The following KCNQ5 variants were observed in gnomAD, a reference collection of about 807,000 sequenced individuals.
The protein encoded by KCNQ5 is potassium voltage-gated channel subfamily Q member 5.
A neutral mutation model predicts 98.2 loss-of-function variants in KCNQ5; 30 were observed. That is an observed-to-expected ratio of 0.31 (90% CI 0.23 to 0.41). The LOEUF is 0.41. KCNQ5 is among the 10% of genes least tolerant of loss of function. KCNQ5 has a pLI of 1.00. For synonymous variants in KCNQ5, 458 were observed against 449.4 expected (o/e 1.02, Z -0.24); for missense variants, 835 against 1,182.5 (o/e 0.71, Z 4.31).
chr6:73,021,114 A>G (rs1770586783), intron 2 of KCNQ5, among the ~76,000 whole-genome samples: 1 of 152,034 alleles, frequency 6.6e-6, no homozygotes, highest in South Asian at 2.1e-4. Flanking sequence ...TTGAAAGTTT[A>G]CCCTGACTCT....
intron 1 of KCNQ5, among the ~76,000 whole-genome samples, chr6:72,883,690 G>T (rs1237394473): frequency 6.6e-6 from 1 of 152,116 alleles, no homozygotes; most frequent in Non-Finnish European, 1.5e-5. Flanking sequence ...GAACAGAAAA[G>T]TTCCCATTGC....
chr6:73,183,616 G>A (rs1452828456), intron 11 of KCNQ5, among the ~76,000 whole-genome samples: 1 of 152,150 alleles, frequency 6.6e-6, no homozygotes, highest in African/African-American at 2.4e-5. Context: ...GCTGCAGGGG[G>A]CAAGGAGGAC....
chr6:72,817,537 A>G (rs1362904098), intron 1 of KCNQ5, among the ~76,000 whole-genome samples: 1 of 152,230 alleles, frequency 6.6e-6, no homozygotes, highest in East Asian at 1.9e-4. Flanking sequence ...CAGTGCAATC[A>G]TGGAACCACA....
intron 1 of KCNQ5, among the ~76,000 whole-genome samples, chr6:72,623,695 T>C (rs1313278718): frequency 3.3e-5 from 5 of 152,196 alleles, no homozygotes; most frequent in Admixed American, 2.6e-4. Flanking sequence ...TATTTCTGCT[T>C]CTTTTTTGTT....
At chr6:72,716,003 AG>A (rs745894617) in intron 1 of KCNQ5, among the ~76,000 whole-genome samples, 3 of 152,210 alleles carry the variant, frequency 2.0e-5, no homozygotes, top group Non-Finnish European at 4.4e-5. Context: ...ATAATATTAT[AG>A]AGTTCCTCTT....
chr6:72,862,489 T>A (rs142703757), intron 1 of KCNQ5, among the ~76,000 whole-genome samples: 1 of 152,266 alleles, frequency 6.6e-6, no homozygotes, highest in Non-Finnish European at 1.5e-5. Context: ...CTCAGTAAGT[T>A]GCTTTCAAAA....
At chr6:72,948,659 T>A (rs6902737) in intron 1 of KCNQ5, among the ~76,000 whole-genome samples, 132,481 of 152,060 alleles carry the variant, frequency 0.87, 58,149 homozygotes, top group Non-Finnish European at 0.93. Flanking sequence ...TTAAGTTATT[T>A]TCTATATATT....
intron 1 of KCNQ5, among the ~76,000 whole-genome samples, chr6:72,638,276 A>G (rs775078693): frequency 6.6e-6 from 1 of 152,100 alleles, no homozygotes; most frequent in Non-Finnish European, 1.5e-5. Flanking sequence ...CAGTATCTCT[A>G]GCAGGAAAGA....
intron 1 of KCNQ5, among the ~76,000 whole-genome samples, chr6:72,629,927 C>T (rs2098919905): frequency 6.6e-6 from 1 of 152,202 alleles, no homozygotes; most frequent in South Asian, 2.1e-4. Flanking sequence ...ATCTTTTAAT[C>T]CTTTGCAATC....
intron 3 of KCNQ5, among the ~76,000 whole-genome samples, chr6:73,074,420 G>A (rs770984993): frequency 3.9e-5 from 6 of 152,036 alleles, no homozygotes; most frequent in South Asian, 2.1e-4. Context: ...TAACTTTCTC[G>A]TCTGATCTGA....
chr6:72,983,795 C>A (rs895803105), intron 1 of KCNQ5, among the ~76,000 whole-genome samples: 2 of 147,732 alleles, frequency 1.4e-5, no homozygotes, highest in African/African-American at 4.9e-5. Context: ...TCTTGTTTCT[C>A]CCCATCTTCG....
At chr6:73,112,512 A>AT (rs999314256) in intron 7 of KCNQ5, among the ~76,000 whole-genome samples, 15 of 151,908 alleles carry the variant, frequency 9.9e-5, no homozygotes, top group Non-Finnish European at 1.6e-4. Context: ...CGCCCGGCTA[A>AT]TTTTTTGTAT....
At chr6:73,045,324 CT>C (rs1293333101) in intron 3 of KCNQ5, among the ~76,000 whole-genome samples, 1 of 152,100 alleles carries the variant, frequency 6.6e-6, no homozygotes, top group Non-Finnish European at 1.5e-5. Context: ...TTCATTACTA[CT>C]GTACATTGAT....
chr6:72,939,015 A>C (rs937387663), intron 1 of KCNQ5, among the ~76,000 whole-genome samples: 21 of 152,224 alleles, frequency 1.4e-4, no homozygotes, highest in African/African-American at 4.1e-4. Flanking sequence ...GCAAAAACTC[A>C]TTAACCCTGT....
chr6:73,098,191 G>A (rs1415437317), intron 5 of KCNQ5, among the ~76,000 whole-genome samples: 1 of 152,074 alleles, frequency 6.6e-6, no homozygotes, highest in Non-Finnish European at 1.5e-5. Flanking sequence ...GAAAGAACTA[G>A]TGAGCATGAA....
intron 1 of KCNQ5, among the ~76,000 whole-genome samples, chr6:72,847,342 T>C (rs1165181206): frequency 6.6e-6 from 1 of 152,134 alleles, no homozygotes; most frequent in Non-Finnish European, 1.5e-5. Context: ...TTTGTATTTT[T>C]AGTAAAGACG....
At chr6:72,811,257 G>A (rs1200542304) in intron 1 of KCNQ5, among the ~76,000 whole-genome samples, 1 of 152,048 alleles carries the variant, frequency 6.6e-6, no homozygotes, top group Non-Finnish European at 1.5e-5. Flanking sequence ...GCATATTTCT[G>A]GTAGAAAAGA....
chr6:72,825,151 AAC>A, intron 1 of KCNQ5, among the ~76,000 whole-genome samples: 2 of 150,122 alleles, frequency 1.3e-5, no homozygotes, highest in African/African-American at 4.9e-5. Context: ...CAACAACAAC[AAC>A]AAAAAAACGA....
chr6:73,058,286 C>G (rs1009702305), intron 3 of KCNQ5, among the ~76,000 whole-genome samples: 1 of 152,098 alleles, frequency 6.6e-6, no homozygotes, highest in Non-Finnish European at 1.5e-5. Context: ...GTGGCGGGCA[C>G]CTGTAGTCCC....
Sources: allele counts gnomAD v4.1 joint callset (sites outside exome capture counted in the v4.1 genomes callset), GRCh38; gene constraint gnomAD v4.1.1; transcripts MANE v1.5; gene names NCBI Gene and HGNC (gene_info 2026-07-23, HGNC 2026-07-21).